Variants in ABLIM1 observed in about 807,000 individuals in gnomAD.
ABLIM1 encodes the protein actin-binding LIM protein 1.
Under a neutral mutation model 107.0 loss-of-function variants are expected in ABLIM1, and 40 were observed. The observed-to-expected ratio is 0.37, with a 90% confidence interval of 0.29 to 0.49. ABLIM1 has a LOEUF of 0.49. Ranked by LOEUF, ABLIM1 falls within the 20% of genes least tolerant of loss-of-function variation. The pLI is 0.97. For synonymous variants in ABLIM1, 357 were observed against 357.3 expected (o/e 1.00, Z 0.01); for missense variants, 857 against 1,008.5 (o/e 0.85, Z 2.04).
chr10:114,447,875 C>A lies in ABLIM1; in HGVS notation c.1735+5G>T. ...CCCTTTGACTTAGCCGTGACAGTTG[C>A]ATACCTACGACAGCAAATGAGGGGG... is the stretch of plus-strand genomic sequence containing the variant. On this transcript the variant is annotated splice_donor_5th_base_variant and intron_variant, in intron 15 of 22. Coordinates refer to ENST00000533213, the MANE Select transcript of ABLIM1 (RefSeq NM_002313.7). The A allele has an allele frequency of 6.2e-7, 1 of 1,614,060 alleles. No homozygotes were observed. The highest frequency in any genetic ancestry group is 8.5e-7 in the Non-Finnish European group (1 of 1,179,980).
chr10:114,536,637 C>T (rs1282844654), intron 6 of ABLIM1, among the ~76,000 whole-genome samples: 1 of 152,046 alleles, frequency 6.6e-6, no homozygotes, highest in Non-Finnish European at 1.5e-5. Context: ...GAATAATATT[C>T]CGTTTTCTAG....
At chr10:114,637,058 A>G (rs2078517993) in intron 1 of ABLIM1, among the ~76,000 whole-genome samples, 1 of 134,632 alleles carries the variant, frequency 7.4e-6, no homozygotes, top group Non-Finnish European at 1.6e-5. Context: ...AAAAAAAAAA[A>G]GAGTGTGGAG....
intron 1 of ABLIM1, among the ~76,000 whole-genome samples, chr10:114,606,385 A>T (rs931213924): frequency 1.3e-5 from 2 of 151,724 alleles, no homozygotes; most frequent in African/African-American, 4.8e-5. Flanking sequence ...ATAGGCGCAC[A>T]CCTCCATGCC....
the ABLIM1 span, among the ~76,000 whole-genome samples, chr10:114,785,401 ATAGT>A: frequency 6.6e-6 from 1 of 152,232 alleles, no homozygotes; most frequent in Non-Finnish European, 1.5e-5. Context: ...AAAAGGAATT[ATAGT>A]TATTCTTTTT....
intron 14 of ABLIM1, among the ~76,000 whole-genome samples, chr10:114,449,737 G>A (rs1044959011): frequency 1.3e-5 from 2 of 152,192 alleles, no homozygotes; most frequent in Non-Finnish European, 2.9e-5. Context: ...CAGAAGTTCT[G>A]CATTATGAAG....
At chr10:114,661,911 C>T (rs2079811346), upstream of ABLIM1, among the ~76,000 whole-genome samples, 1 of 152,102 alleles carries the variant, frequency 6.6e-6, no homozygotes, top group African/African-American at 2.4e-5. Flanking sequence ...GAGCCCCAGC[C>T]CAAAGCCAGG....
At chr10:114,623,919 T>G (rs1174367816) in intron 1 of ABLIM1, among the ~76,000 whole-genome samples, 1 of 152,238 alleles carries the variant, frequency 6.6e-6, no homozygotes, top group Non-Finnish European at 1.5e-5. Context: ...CAGGGGACAC[T>G]GGACCATAAT....
At chr10:114,588,487 C>CTTTTTTTTTTTTTTTTTTTTTTTTTT (rs34043960) in intron 2 of ABLIM1, among the ~76,000 whole-genome samples, 1 of 76,556 alleles carries the variant, frequency 1.3e-5, no homozygotes, top group Non-Finnish European at 2.3e-5. Context: ...TTCTTTCTTT[C>CTTTTTTTTTTTTTTTTTTTTTTTTTT]TTTTTTTTTT....
intron 7 of ABLIM1, among the ~76,000 whole-genome samples, chr10:114,488,653 G>A (rs1042822087): frequency 6.6e-6 from 1 of 152,190 alleles, no homozygotes; most frequent in African/African-American, 2.4e-5. Context: ...CTATTTAGGT[G>A]TTATTTTCTG....
Position 114,447,734 on chromosome 10 carries a change from T to G in ABLIM1, c.1735+146A>C, listed in dbSNP as rs939120093. The G allele has an allele frequency of 1.1e-5, 13 of 1,131,682 alleles. No homozygotes were observed. The East Asian group carries it at 3.3e-4, about 29-fold the overall frequency. 70.1% of individuals were successfully genotyped at this position (1,131,682 alleles called of 1,614,324 possible). A position where few individuals can be genotyped will look rare whatever the true frequency, so the allele number is the denominator to read the frequency against. ...TTTTGTACAACAAGTTAATACCACG[T>G]TAGTTCTTTTCACTATGCTACCTCT... is the stretch of plus-strand genomic sequence containing the variant. On this transcript the variant is annotated intron_variant, in intron 15 of 22. Transcript: ENST00000533213.
chr10:114,625,772 C>G (rs74623093), intron 1 of ABLIM1, among the ~76,000 whole-genome samples: 7,914 of 152,154 alleles, frequency 0.052, 289 homozygotes, highest in Non-Finnish European at 0.08. Context: ...GTTTTGGAGC[C>G]AGATAGGCAG....
intron 4 of ABLIM1, among the ~76,000 whole-genome samples, chr10:114,562,600 G>A (rs1223028557): frequency 2.0e-5 from 3 of 152,204 alleles, no homozygotes; most frequent in African/African-American, 7.2e-5. Context: ...AGCAATAACT[G>A]CTTCCCCTGT....
intron 1 of ABLIM1, among the ~76,000 whole-genome samples, chr10:114,667,315 C>T (rs1411292448): frequency 1.3e-5 from 2 of 152,090 alleles, no homozygotes; most frequent in Non-Finnish European, 2.9e-5. Context: ...CATGTAGTCC[C>T]AAAAACAGTG....
intron 6 of ABLIM1, among the ~76,000 whole-genome samples, chr10:114,528,111 C>T (rs996887601): frequency 6.6e-6 from 1 of 152,126 alleles, no homozygotes; most frequent in African/African-American, 2.4e-5. Flanking sequence ...GCTGGGATTA[C>T]AGGCGTGAGC....
At chr10:114,596,369 T>G (rs560581921) in intron 2 of ABLIM1, among the ~76,000 whole-genome samples, 1 of 152,312 alleles carries the variant, frequency 6.6e-6, no homozygotes, top group Non-Finnish European at 1.5e-5. Flanking sequence ...TATTAGCACT[T>G]AGCACAGTGT....
Position 114,741,447 on chromosome 10 carries a change from G to A in ABLIM1, c.-213+26614C>T, listed in dbSNP as rs1000515700. Among the ~76,000 whole-genome samples, 54 of 151,604 alleles carry A rather than the reference G, an allele frequency of 3.6e-4. 1 individual carries two copies. Among genetic ancestry groups the A allele is most frequent in the Non-Finnish European group, 4.3e-4 (29 of 67,844 alleles). ...TCACCGTGTTAGCCAGGATGGTCTC[G>A]ATCTTCTGACCTCGTGATCCGCCCG... On this transcript the variant is annotated intron_variant, in intron 1 of 15. Transcript: ENST00000651092.
At chr10:114,463,072 G>A (rs1350096285) in intron 12 of ABLIM1, 9 of 1,342,440 alleles carry the variant, frequency 6.7e-6, no homozygotes, top group Non-Finnish European at 8.9e-6. Context: ...AAGTGGTGTC[G>A]GAAAGGGGGG....
chr10:114,782,952 C>G, the ABLIM1 span, among the ~76,000 whole-genome samples: 1 of 152,010 alleles, frequency 6.6e-6, no homozygotes, highest in Non-Finnish European at 1.5e-5. Context: ...GTTCCGTTTC[C>G]TGAAATGGAG....
intron 2 of ABLIM1, among the ~76,000 whole-genome samples, chr10:114,579,943 T>C (rs549733903): frequency 6.6e-6 from 1 of 152,232 alleles, no homozygotes; most frequent in East Asian, 1.9e-4. Context: ...GTTTCACAGA[T>C]CACATAAGGA....
Sources: gnomAD v4.1 joint callset for allele counts (sites outside exome capture counted in the v4.1 genomes callset) on GRCh38, gnomAD v4.1.1 for gene constraint, MANE v1.5 for transcripts, NCBI Gene and HGNC (gene_info 2026-07-23, HGNC 2026-07-21) for gene names.